The following SMARCAL1 variants were observed in gnomAD, a reference collection of about 807,000 sequenced individuals.
SMARCAL1 encodes the protein ATP-driven annealing helicase.
SMARCAL1 carries 58 observed loss-of-function variants against 94.5 expected under a neutral mutation model. The ratio of observed to expected loss-of-function variants is 0.61; its 90% CI spans 0.50 to 0.76. The LOEUF (loss-of-function observed/expected upper bound fraction) is 0.76. Ranked by LOEUF, SMARCAL1 falls within the 30% of genes least tolerant of loss-of-function variation. The pLI, the probability that SMARCAL1 is intolerant of heterozygous loss-of-function variation, is 0.00. For synonymous variants in SMARCAL1, 422 were observed against 455.1 expected, an observed-to-expected ratio of 0.93 and a Z score of 0.93; for missense variants, 1,051 against 1,177.9, an observed-to-expected ratio of 0.89 and a Z score of 1.58.
intron 11 of SMARCAL1, 147 bp from the exon 12 acceptor site, chr2:216,450,699 G>A (rs1468421470): frequency 1.6e-6 from 1 of 631,514 alleles, no homozygotes; most frequent in East Asian, 2.7e-5. Context: ...TTTTATTGGG[G>A]GTTTATTTGT....
chr2:216,423,613 T>C lies in SMARCAL1; in HGVS notation c.1097-20T>C. On this transcript the variant is annotated intron_variant, in intron 5 of 17. Transcript: ENST00000357276. Reference sequence around the variant, plus strand: ...AAGGGCAGGGTGTCCTATTTGCTTATTTATTTCTTGTCATTGCAGATGTCA... The same window carrying C: ...AAGGGCAGGGTGTCCTATTTGCTTACTTATTTCTTGTCATTGCAGATGTCA... 6.2e-7 allele frequency: 1 copy of C among 1,610,472 alleles called. No homozygotes were observed. Among genetic ancestry groups the C allele is most frequent in the Non-Finnish European group, 8.5e-7 (1 of 1,176,674 alleles).
intron 4 of SMARCAL1, among the ~76,000 whole-genome samples, chr2:216,419,803 G>A (rs969916595): frequency 2.6e-5 from 4 of 152,034 alleles, no homozygotes; most frequent in Admixed American, 6.5e-5. Flanking sequence ...GCTAAGGTGC[G>A]TAGATGGTTT....
rs1031618981 is a variant in SMARCAL1, at chr2:216,455,883, C to T, written c.2070+4819C>T. ...TTGACGAGTTGAGAGAAGAAGGCTT[C>T]AGATGATCAGATTTCTCTGAGCTAA... is the stretch of plus-strand genomic sequence containing the variant. On this transcript the variant is annotated intron_variant, in intron 12 of 17. Transcript: ENST00000357276. 3.9e-5 allele frequency among the ~76,000 whole-genome samples: 6 copies of T among 152,188 alleles called. No homozygotes were observed. The East Asian group carries it at 1.2e-3, about 29-fold the overall frequency.
intron 11 of SMARCAL1, among the ~76,000 whole-genome samples, chr2:216,448,346 G>A (rs533541588): frequency 1.1e-4 from 16 of 152,104 alleles, no homozygotes; most frequent in Admixed American, 7.2e-4. Context: ...TTCTAAAAAG[G>A]ATCTTCTCTT....
intron 10 of SMARCAL1, among the ~76,000 whole-genome samples, chr2:216,440,843 C>G (rs1694184713): frequency 6.6e-6 from 1 of 152,154 alleles, no homozygotes; most frequent in South Asian, 2.1e-4. Flanking sequence ...CCTCTACCCA[C>G]TAGATGCCAG....
At chr2:216,421,686 C>G (rs897761170) in intron 5 of SMARCAL1, among the ~76,000 whole-genome samples, 6 of 152,254 alleles carry the variant, frequency 3.9e-5, no homozygotes, top group Admixed American at 2.6e-4. Flanking sequence ...TCATTCTCAG[C>G]TTGGGCCACA....
chr2:216,473,899 T>C (rs1202123224), intron 14 of SMARCAL1, among the ~76,000 whole-genome samples: 1 of 152,150 alleles, frequency 6.6e-6, no homozygotes, highest in Non-Finnish European at 1.5e-5. Flanking sequence ...CACATGTTCA[T>C]AGCAGCTTTA....
intron 16 of SMARCAL1, 126 bp downstream of exon 16, chr2:216,477,335 T>A (rs1262513048): frequency 6.6e-6 from 5 of 761,364 alleles, no homozygotes; most frequent in Non-Finnish European, 1.1e-5. Context: ...TATAGAAAAT[T>A]GACTAGTGAT....
intron 13 of SMARCAL1, among the ~76,000 whole-genome samples, chr2:216,467,030 T>A (rs548911004): frequency 8.0e-4 from 122 of 152,252 alleles, no homozygotes; most frequent in Non-Finnish European, 1.6e-3. Flanking sequence ...CACTTGCCTG[T>A]ACTGGGCTTA....
chr2:216,446,935 G>A, intron 10 of SMARCAL1, 83 bp from the exon 11 acceptor site: 1 of 1,566,836 alleles, frequency 6.4e-7, no homozygotes, highest in Non-Finnish European at 8.8e-7. Context: ...GGGGCATCCA[G>A]CTCCTCCCTC....
intron 12 of SMARCAL1, among the ~76,000 whole-genome samples, chr2:216,458,709 A>G (rs1157687866): frequency 2.0e-5 from 3 of 152,228 alleles, no homozygotes; most frequent in South Asian, 2.1e-4. Context: ...ATTTATGACA[A>G]ACCCACAGCC....
chr2:216,419,850 C>A (rs774005432), intron 4 of SMARCAL1, among the ~76,000 whole-genome samples: 1 of 151,446 alleles, frequency 6.6e-6, no homozygotes, highest in South Asian at 2.1e-4. Context: ...GGCAACATAG[C>A]GAAACCCTGA....
At chr2:216,470,097 A>G (rs1694928070) in intron 14 of SMARCAL1, among the ~76,000 whole-genome samples, 1 of 151,786 alleles carries the variant, frequency 6.6e-6, no homozygotes, top group African/African-American at 2.4e-5. Flanking sequence ...CTGATTTAGG[A>G]AAATTCTTTA....
Position 216,472,024 on chromosome 2 carries a change from T to C in SMARCAL1, c.2245-3245T>C, listed in dbSNP as rs149698375. Among the ~76,000 whole-genome samples, 1,151 of 152,262 alleles carry C rather than the reference T, an allele frequency of 7.6e-3. 6 individuals carry two copies. The highest frequency in any genetic ancestry group is 0.026 in the African/African-American group (1,081 of 41,544). On this transcript the variant is annotated intron_variant, in intron 14 of 17. Transcript: ENST00000357276. ...TTGCTATCGGAAGATGTCCATACTA[T>C]GGACAAAAAGCTGTTGTATGTATAA...
chr2:216,481,752 G>A (rs1695206858), intron 17 of SMARCAL1, among the ~76,000 whole-genome samples: 1 of 152,116 alleles, frequency 6.6e-6, no homozygotes, highest in Admixed American at 6.5e-5. Context: ...CGATCCATCC[G>A]CCTCGGCCTC....
rs119473037 is a variant in SMARCAL1 at position 216,450,927 on chromosome 2, C to T, written c.1933C>T (p.Arg645Cys). Residue 645 changes from arginine to cysteine, a missense_variant, in exon 12 of 18, where the codon CGC (arginine) becomes TGC (cysteine). By Grantham distance (180) the Arg-to-Cys change is radical. Coordinates refer to ENST00000357276, the MANE Select transcript of SMARCAL1 (RefSeq NM_014140.4). ...LLLEEAVMLR[R>C]LKSDVLSQLP... ...GCTGGAGGAAGCAGTCATGCTGCGGCGCCTCAAGTCCGACGTCCTTTCCCA... is the reference window on the plus strand; with the variant it reads ...GCTGGAGGAAGCAGTCATGCTGCGGTGCCTCAAGTCCGACGTCCTTTCCCA... 10 of 1,614,024 alleles carry T rather than the reference C, an allele frequency of 6.2e-6. No homozygotes were observed. Among genetic ancestry groups the T allele is most frequent in the East Asian group, 4.5e-5 (2 of 44,890 alleles).
At chr2:216,464,469 A>G in intron 12 of SMARCAL1, 128 bp from the exon 13 acceptor site, 1 of 794,606 alleles carries the variant, frequency 1.3e-6, no homozygotes, top group Non-Finnish European at 2.2e-6. Flanking sequence ...CATTGTCAGC[A>G]CCAGGGTCTC....
chr2:216,421,021 T>A (rs1185591198), intron 5 of SMARCAL1, among the ~76,000 whole-genome samples: 1 of 152,158 alleles, frequency 6.6e-6, no homozygotes, highest in African/African-American at 2.4e-5. Context: ...AACTTTTGCG[T>A]TTCTCACAAG....
intron 7 of SMARCAL1, 89 bp from the exon 8 acceptor site, chr2:216,432,629 C>A: frequency 6.5e-7 from 1 of 1,548,696 alleles, no homozygotes; most frequent in South Asian, 1.1e-5. Context: ...GTGAAGTGGC[C>A]TTCACCCAGC....
Sources: allele counts gnomAD v4.1 joint callset (sites outside exome capture counted in the v4.1 genomes callset), GRCh38; gene constraint gnomAD v4.1.1; transcripts MANE v1.5; gene names NCBI Gene and HGNC (gene_info 2026-07-23, HGNC 2026-07-21).